Variants in EYS observed in about 807,000 individuals in gnomAD.
The protein encoded by EYS is EGF-like photoreceptor maintenance factor, also known as protein eyes shut homolog.
Under a neutral mutation model 282.1 loss-of-function variants are expected in EYS, and 250 were observed. The ratio of observed to expected loss-of-function variants is 0.89; its 90% CI spans 0.80 to 0.98. The LOEUF is 0.98. EYS is among the 50% of genes least tolerant of loss of function. The pLI is 0.00. For synonymous variants in EYS, 1,355 were observed against 1,282.9 expected (o/e 1.06, Z -1.20); for missense variants, 4,016 against 3,709.0 (o/e 1.08, Z -2.15).
At chr6:64,865,806 C>T (rs1766409506) in intron 19 of EYS, among the ~76,000 whole-genome samples, 1 of 151,876 alleles carries the variant, frequency 6.6e-6, no homozygotes, top group South Asian at 2.1e-4. Flanking sequence ...GATGTAGCTG[C>T]AATAAAGGGA....
At chr6:65,169,073 A>G (rs972448482) in intron 12 of EYS, among the ~76,000 whole-genome samples, 3 of 151,488 alleles carry the variant, frequency 2.0e-5, no homozygotes, top group Non-Finnish European at 4.4e-5. Context: ...CATTTACTTT[A>G]TGTACTAATG....
chr6:65,455,554 G>A (rs1307259888), intron 5 of EYS, among the ~76,000 whole-genome samples: 5 of 151,940 alleles, frequency 3.3e-5, no homozygotes, highest in Admixed American at 6.6e-5. Context: ...AGTAAAATCA[G>A]GTGAAAAATG....
intron 13 of EYS, among the ~76,000 whole-genome samples, chr6:65,051,992 A>C (rs1773283807): frequency 1.3e-5 from 2 of 151,552 alleles, no homozygotes; most frequent in African/African-American, 2.4e-5. Flanking sequence ...TAAGTAAGAC[A>C]CTTCCTCAAT....
At position 64,127,108 on chromosome 6, in the gene EYS, C is replaced by G. The variant is rs79864187; in HGVS notation, c.6425-45106G>C. On this transcript the variant is annotated intron_variant, in intron 31 of 42. Transcript: ENST00000503581. Reference sequence around the variant, plus strand: ...TATTTAATCTGTCTTTCACTAGGAACATACAACTTTTAAAACTTTGGTAAA... The same window carrying G: ...TATTTAATCTGTCTTTCACTAGGAAGATACAACTTTTAAAACTTTGGTAAA... Among the ~76,000 whole-genome samples the G allele has an allele frequency of 6.6e-5, 10 of 152,248 alleles. No individual in the cohort carries two copies. The East Asian group carries it at 1.4e-3, about 21-fold the overall frequency.
At chr6:64,859,878 TG>T (rs1369182509) in intron 19 of EYS, among the ~76,000 whole-genome samples, 2 of 152,220 alleles carry the variant, frequency 1.3e-5, no homozygotes, top group Non-Finnish European at 2.9e-5. Context: ...ACAGATTCAG[TG>T]CAAGCCCTAT....
chr6:63,966,306 C>T (rs939916587), intron 35 of EYS, among the ~76,000 whole-genome samples: 1 of 152,166 alleles, frequency 6.6e-6, no homozygotes, highest in African/African-American at 2.4e-5. Flanking sequence ...TAGGTAGGAA[C>T]TAAGCTATGA....
intron 11 of EYS, among the ~76,000 whole-genome samples, chr6:65,310,194 A>G (rs1205356416): frequency 6.6e-6 from 1 of 152,068 alleles, no homozygotes; most frequent in Non-Finnish European, 1.5e-5. Flanking sequence ...AAATACAAAA[A>G]TTAGTCAGGC....
chr6:64,053,220 TTTA>T (rs1341956074), intron 33 of EYS, among the ~76,000 whole-genome samples: 1 of 152,094 alleles, frequency 6.6e-6, no homozygotes, highest in African/African-American at 2.4e-5. Context: ...TTTGCTAAAT[TTTA>T]TTGTGTGAAA....
intron 2 of EYS, among the ~76,000 whole-genome samples, chr6:65,562,511 A>T (rs73742004): frequency 0.011 from 1,707 of 152,138 alleles, 30 homozygotes; most frequent in African/African-American, 0.039. Context: ...AAATATTAGA[A>T]ATCTTCCAAA....
intron 14 of EYS, among the ~76,000 whole-genome samples, chr6:64,950,834 T>TATATAC (rs1491182951): frequency 2.5e-5 from 2 of 81,188 alleles, no homozygotes; most frequent in African/African-American, 8.9e-5. Flanking sequence ...TATATATATA[T>TATATAC]TGTTGAATTG....
intron 14 of EYS, among the ~76,000 whole-genome samples, chr6:64,950,785 A>T (rs1034748119): frequency 7.9e-5 from 7 of 88,272 alleles, no homozygotes; most frequent in Non-Finnish European, 1.5e-4. Flanking sequence ...AAATATATAC[A>T]CATATACATA....
chr6:65,461,674 C>T (rs1224347186), intron 5 of EYS, among the ~76,000 whole-genome samples: 2 of 152,084 alleles, frequency 1.3e-5, no homozygotes, highest in African/African-American at 4.8e-5. Flanking sequence ...AGCATACCTT[C>T]TTAAGTTTTA....
At chr6:64,734,405 A>G (rs1249232628) in intron 22 of EYS, among the ~76,000 whole-genome samples, 1 of 152,146 alleles carries the variant, frequency 6.6e-6, no homozygotes, top group Non-Finnish European at 1.5e-5. Flanking sequence ...AAAACTAGAT[A>G]TCTGGCATAT....
chr6:65,355,265 C>A (rs1764435910), intron 8 of EYS, among the ~76,000 whole-genome samples: 1 of 152,088 alleles, frequency 6.6e-6, no homozygotes, highest in Admixed American at 6.6e-5. Context: ...GTACAGTGCA[C>A]ACTGCTTCAG....
chr6:65,184,821 A>G (rs1765477819), intron 12 of EYS, among the ~76,000 whole-genome samples: 1 of 151,690 alleles, frequency 6.6e-6, no homozygotes. Flanking sequence ...ATATATTTTG[A>G]CTTATCAATA....
intron 12 of EYS, among the ~76,000 whole-genome samples, chr6:65,275,542 T>A (rs1447598905): frequency 6.6e-6 from 1 of 152,148 alleles, no homozygotes; most frequent in Non-Finnish European, 1.5e-5. Flanking sequence ...TATGGCTTCA[T>A]AAGGAGTTCC....
chr6:63,730,323 T>TTA (rs1319189574), intron 41 of EYS, among the ~76,000 whole-genome samples: 3 of 152,202 alleles, frequency 2.0e-5, no homozygotes, highest in Non-Finnish European at 4.4e-5. Flanking sequence ...CACATACATT[T>TTA]TATATATCTG....
intron 22 of EYS, among the ~76,000 whole-genome samples, chr6:64,676,338 CTA>C (rs1229565212): frequency 8.8e-5 from 11 of 125,122 alleles, no homozygotes; most frequent in East Asian, 2.6e-4. Flanking sequence ...ATCTATATAT[CTA>C]TATATATATA....
At chr6:64,514,741 C>T (rs923911023) in intron 26 of EYS, among the ~76,000 whole-genome samples, 1 of 151,650 alleles carries the variant, frequency 6.6e-6, no homozygotes, top group African/African-American at 2.4e-5. Flanking sequence ...CTAACCCTGT[C>T]TAATATAGCA....
Sources: gnomAD v4.1 joint callset for allele counts (sites outside exome capture counted in the v4.1 genomes callset) on GRCh38, gnomAD v4.1.1 for gene constraint, MANE v1.5 for transcripts, NCBI Gene and HGNC (gene_info 2026-07-23, HGNC 2026-07-21) for gene names.